The following ZMYND12 variants were observed in gnomAD, a reference collection of about 807,000 sequenced individuals.
ZMYND12 encodes zinc finger MYND domain-containing protein 12.
ZMYND12 carries 32 observed loss-of-function variants against 41.7 expected under a neutral mutation model. The observed-to-expected ratio is 0.77, with a 90% CI of 0.58 to 1.03. ZMYND12 has a LOEUF of 1.03. Among genes scored for constraint, ZMYND12 ranks in the 50% least tolerant of loss-of-function variants. The probability of loss-of-function intolerance (pLI) is 0.00; values close to 1 mark genes in which losing one functional copy is unlikely to be tolerated. For synonymous variants in ZMYND12, 148 were observed against 164.8 expected (o/e 0.90, Z 0.78); for missense variants, 424 against 438.5 (o/e 0.97, Z 0.30).
intron 1 of ZMYND12, among the ~76,000 whole-genome samples, chr1:42,451,065 T>C (rs1412713890): frequency 3.9e-5 from 6 of 152,258 alleles, no homozygotes; most frequent in Non-Finnish European, 8.8e-5. Flanking sequence ...TATTGAATGG[T>C]GTTCTACAGA....
chr1:42,449,758 AAAC>A (rs1160227743), intron 2 of ZMYND12, among the ~76,000 whole-genome samples, 157 bp downstream of exon 2: 1 of 152,242 alleles, frequency 6.6e-6, no homozygotes, highest in Non-Finnish European at 1.5e-5. Context: ...TAAATGTGGA[AAAC>A]AACAGACTGG....
intron 3 of ZMYND12, among the ~76,000 whole-genome samples, chr1:42,441,549 ATTTTTGTCT>A (rs1642968735): frequency 6.6e-6 from 1 of 152,054 alleles, no homozygotes; most frequent in Non-Finnish European, 1.5e-5. Flanking sequence ...CTACTATATC[ATTTTTGTCT>A]TTTTTGTTTA....
intron 5 of ZMYND12, 25 bp from the exon 6 acceptor site, chr1:42,435,410 C>T: frequency 6.3e-7 from 1 of 1,575,218 alleles, no homozygotes; most frequent in South Asian, 1.1e-5. Context: ...GATGGTAATA[C>T]AACAAGCAGG....
chr1:42,449,775 G>A (rs1643063370), intron 2 of ZMYND12, 143 bp downstream of exon 2: 1 of 900,474 alleles, frequency 1.1e-6, no homozygotes, highest in Non-Finnish European at 1.6e-6. Context: ...AGACTGGATG[G>A]TGTTGAGGAC....
At chr1:42,443,656 TAGTCCC>T (rs1486755461) in intron 3 of ZMYND12, among the ~76,000 whole-genome samples, 2 of 152,226 alleles carry the variant, frequency 1.3e-5, no homozygotes, top group Non-Finnish European at 2.9e-5. Flanking sequence ...AACATTGTGC[TAGTCCC>T]TTTGCATCGG....
At chr1:42,455,448 T>C (rs1418473358) in intron 1 of ZMYND12, among the ~76,000 whole-genome samples, 1 of 152,186 alleles carries the variant, frequency 6.6e-6, no homozygotes, top group Non-Finnish European at 1.5e-5. Flanking sequence ...AATTTTTGTA[T>C]TTTTTAGTAG....
intron 3 of ZMYND12, 90 bp from the exon 4 acceptor site, chr1:42,440,115 T>TCTG: frequency 7.4e-7 from 1 of 1,349,348 alleles, no homozygotes; most frequent in Non-Finnish European, 9.8e-7. Flanking sequence ...CACTCATGTA[T>TCTG]TCATTGACTC....
Position 42,448,574 on chromosome 1 carries a change from T to C in ZMYND12, c.317A>G (p.Asp106Gly), listed in dbSNP as rs1468313853. ...GGACTGCAAAGCTGCTGGTACAGCA[T>C]CTTCGTGTTTCCCTTCAAAGAGGTA... Reference protein sequence around the residue: ...QKYLFEGKHEDAVPAALQSLR... With the variant: ...QKYLFEGKHEGAVPAALQSLR... Residue 106 changes from aspartate to glycine, a missense_variant, in exon 3 of 8, where the codon GAT becomes GGT. Transcript: ENST00000372565. 1.9e-6 allele frequency: 3 copies of C among 1,613,696 alleles called. No individual in the cohort carries two copies. The highest frequency in any genetic ancestry group is 4.5e-5 in the East Asian group (2 of 44,854).
At chr1:42,444,413 T>A (rs940886491) in intron 3 of ZMYND12, among the ~76,000 whole-genome samples, 1 of 152,186 alleles carries the variant, frequency 6.6e-6, no homozygotes, top group East Asian at 1.9e-4. Flanking sequence ...TCTTTAGACT[T>A]CCAGAAACGT....
At chr1:42,434,450 C>T (rs1010088432) in intron 6 of ZMYND12, among the ~76,000 whole-genome samples, 26 of 152,030 alleles carry the variant, frequency 1.7e-4, no homozygotes, top group Admixed American at 1.5e-3. Flanking sequence ...AGGCCATGGA[C>T]CAGAACTGTT....
At chr1:42,439,499 C>T (rs1385789050) in intron 4 of ZMYND12, among the ~76,000 whole-genome samples, 2 of 151,992 alleles carry the variant, frequency 1.3e-5, no homozygotes, top group African/African-American at 4.8e-5. Context: ...CTCCTGACCT[C>T]GTGATCCACC....
At chr1:42,439,271 C>CA (rs1553178963) in intron 4 of ZMYND12, among the ~76,000 whole-genome samples, 1 of 144,444 alleles carries the variant, frequency 6.9e-6, no homozygotes, top group African/African-American at 2.6e-5. Context: ...CTCTCTCTCT[C>CA]TTTTTTTTTT....
At chr1:42,442,697 C>A (rs1642983848) in intron 3 of ZMYND12, among the ~76,000 whole-genome samples, 2 of 152,112 alleles carry the variant, frequency 1.3e-5, no homozygotes, top group Non-Finnish European at 2.9e-5. Flanking sequence ...ACCCTCTGCT[C>A]CTCTGTGTCC....
intron 3 of ZMYND12, among the ~76,000 whole-genome samples, chr1:42,442,505 AG>A (rs1642981465): frequency 6.6e-6 from 1 of 152,218 alleles, no homozygotes; most frequent in Non-Finnish European, 1.5e-5. Context: ...ATATATACAG[AG>A]GCCTGCCTAC....
At chr1:42,447,850 T>C (rs2809645) in intron 3 of ZMYND12, among the ~76,000 whole-genome samples, 52,461 of 151,914 alleles carry the variant, frequency 0.35, 9,228 homozygotes, top group East Asian at 0.39. Flanking sequence ...CAGAATTGCC[T>C]CTCCCATCTA....
At chr1:42,430,934 C>T in intron 7 of ZMYND12, 76 bp from the exon 8 acceptor site, 5 of 1,583,022 alleles carry the variant, frequency 3.2e-6, no homozygotes, top group Non-Finnish European at 4.3e-6. Flanking sequence ...CTGTGCTCAA[C>T]TCCAGAAACA....
chr1:42,439,993 G>C lies in ZMYND12; in HGVS notation c.457C>G (p.Leu153Val), dbSNP rs774975312. The C allele has an allele frequency of 1.2e-6, 2 of 1,612,964 alleles. No homozygotes were observed. The highest frequency in any genetic ancestry group is 1.7e-6 in the Non-Finnish European group (2 of 1,179,722). ...AGGACTGTCCACTGGGCTTGGAATA[G>C]ATATTCTTCAGCCTGAACGATTCGG... Reference protein sequence around the residue: ...LGRIVQAEEYLFQAQWTVLKS... With the variant: ...LGRIVQAEEYVFQAQWTVLKS... Residue 153 changes from leucine (L) to valine (V), a missense_variant, in exon 4 of 8, where the codon CTA (leucine) becomes GTA (valine). By Grantham distance (32) the Leu-to-Val change is conservative (BLOSUM62 1). Transcript: ENST00000372565.
chr1:42,455,883 C>A lies in ZMYND12; in HGVS notation c.110+5G>T. ...AGCGCCCAGGTGCCACGTTTCAGGGCCTACCAGTAATAAGTGACTGTGCAG... is the reference window on the plus strand; with the variant it reads ...AGCGCCCAGGTGCCACGTTTCAGGGACTACCAGTAATAAGTGACTGTGCAG... On this transcript the variant is annotated splice_donor_5th_base_variant and intron_variant, in intron 1 of 7. Coordinates refer to ENST00000372565, the MANE Select transcript of ZMYND12 (RefSeq NM_032257.5). 1.9e-6 allele frequency: 3 copies of A among 1,606,854 alleles called. No individual in the cohort carries two copies. Among genetic ancestry groups the A allele is most frequent in the Non-Finnish European group, 2.6e-6 (3 of 1,175,290 alleles).
chr1:42,449,478 T>C (rs1224814663), intron 2 of ZMYND12, among the ~76,000 whole-genome samples: 3 of 152,198 alleles, frequency 2.0e-5, no homozygotes, highest in Admixed American at 6.6e-5. Flanking sequence ...TAACCTAATC[T>C]GACTTGTGTC....
Sources: gnomAD v4.1 joint callset for allele counts (sites outside exome capture counted in the v4.1 genomes callset) on GRCh38, gnomAD v4.1.1 for gene constraint, MANE v1.5 for transcripts, NCBI Gene and HGNC (gene_info 2026-07-23, HGNC 2026-07-21) for gene names.